The following SNTB2 variants were observed in gnomAD, a reference collection of about 807,000 sequenced individuals.
SNTB2 encodes syntrophin beta 2.
SNTB2 carries 34 observed loss-of-function variants against 46.2 expected under a neutral mutation model. The ratio of observed to expected loss-of-function variants is 0.74; its 90% CI spans 0.56 to 0.98. The LOEUF (loss-of-function observed/expected upper bound fraction) is 0.98, where lower values mean the gene tolerates loss of function less well. Among genes scored for constraint, SNTB2 ranks in the 50% least tolerant of loss-of-function variants. The probability of loss-of-function intolerance (pLI) is 0.00; values close to 1 mark genes in which losing one functional copy is unlikely to be tolerated. For synonymous variants in SNTB2, 290 were observed against 312.6 expected, an observed-to-expected ratio of 0.93 and a Z score of 0.76; for missense variants, 603 against 731.4, an observed-to-expected ratio of 0.82 and a Z score of 2.02.
At chr16:69,287,914 G>A (rs939012226) in intron 5 of SNTB2, among the ~76,000 whole-genome samples, 3 of 151,442 alleles carry the variant, frequency 2.0e-5, no homozygotes, top group East Asian at 1.9e-4. Flanking sequence ...GGTAGTTCAC[G>A]CTTGTAATTC....
chr16:69,195,171 G>GC (rs1356267001), intron 1 of SNTB2, among the ~76,000 whole-genome samples: 1 of 152,156 alleles, frequency 6.6e-6, no homozygotes, highest in African/African-American at 2.4e-5. Context: ...AGTATATAGA[G>GC]CTCAGGGGCA....
At chr16:69,239,701 T>G (rs1327476186) in intron 1 of SNTB2, among the ~76,000 whole-genome samples, 2 of 152,210 alleles carry the variant, frequency 1.3e-5, no homozygotes, top group East Asian at 3.9e-4. Context: ...TGCACCACTA[T>G]GCCTGGCTAA....
chr16:69,279,996 G>A (rs1220706917), intron 4 of SNTB2, among the ~76,000 whole-genome samples: 1 of 152,160 alleles, frequency 6.6e-6, no homozygotes, highest in Non-Finnish European at 1.5e-5. Context: ...TTCCTATGCA[G>A]GGGACCCTGC....
chr16:69,293,724 CAT>C (rs1360438705), intron 5 of SNTB2, among the ~76,000 whole-genome samples: 4 of 152,078 alleles, frequency 2.6e-5, no homozygotes, highest in African/African-American at 9.7e-5. Flanking sequence ...TTCAGAGGGA[CAT>C]GTTGAAAACA....
chr16:69,272,059 G>A (rs1964942499), intron 4 of SNTB2, among the ~76,000 whole-genome samples: 1 of 152,112 alleles, frequency 6.6e-6, no homozygotes, highest in South Asian at 2.1e-4. Flanking sequence ...CTTTGGGTTA[G>A]GCAGAGTCTT....
chr16:69,213,661 G>A (rs1405922456), intron 1 of SNTB2, among the ~76,000 whole-genome samples: 8 of 150,302 alleles, frequency 5.3e-5, no homozygotes, highest in Non-Finnish European at 5.9e-5. Flanking sequence ...CACCACGCCC[G>A]GCTAATTTTT....
intron 1 of SNTB2, among the ~76,000 whole-genome samples, chr16:69,243,591 T>C (rs1399279166): frequency 1.3e-5 from 2 of 152,258 alleles, no homozygotes; most frequent in Non-Finnish European, 2.9e-5. Flanking sequence ...TTTCCTCCAG[T>C]TGGTAGCCCA....
intron 1 of SNTB2, among the ~76,000 whole-genome samples, chr16:69,213,987 A>G (rs1441153445): frequency 2.1e-5 from 3 of 144,328 alleles, no homozygotes; most frequent in African/African-American, 7.8e-5. Flanking sequence ...ATGCCCGGCT[A>G]ATTTTTTTGT....
intron 2 of SNTB2, 83 bp from the exon 3 acceptor site, chr16:69,259,967 G>A (rs2143088694): frequency 1.0e-6 from 1 of 976,936 alleles, no homozygotes; most frequent in East Asian, 2.4e-5. Flanking sequence ...AATTAAAATA[G>A]ATTTGCAGTT....
intron 1 of SNTB2, among the ~76,000 whole-genome samples, chr16:69,236,973 C>G (rs975665424): frequency 6.6e-6 from 1 of 152,062 alleles, no homozygotes; most frequent in African/African-American, 2.4e-5. Context: ...TCCTGGGTGG[C>G]GAGAAAGATG....
chr16:69,199,711 C>T (rs1964141646), intron 1 of SNTB2, among the ~76,000 whole-genome samples: 1 of 151,350 alleles, frequency 6.6e-6, no homozygotes, highest in South Asian at 2.1e-4. Context: ...TATTGTGTAC[C>T]TTGAGGTGTC....
intron 5 of SNTB2, among the ~76,000 whole-genome samples, chr16:69,299,252 C>G (rs1210456729): frequency 6.6e-6 from 1 of 151,836 alleles, no homozygotes; most frequent in African/African-American, 2.4e-5. Context: ...AAGCAATTCT[C>G]CTGCCTCAGC....
At chr16:69,192,757 G>T (rs568149072) in intron 1 of SNTB2, among the ~76,000 whole-genome samples, 3 of 152,082 alleles carry the variant, frequency 2.0e-5, no homozygotes, top group Non-Finnish European at 4.4e-5. Flanking sequence ...AGATTTTAGT[G>T]TAAAAACAAA....
chr16:69,227,893 T>A (rs2152294510), intron 1 of SNTB2, among the ~76,000 whole-genome samples: 1 of 148,944 alleles, frequency 6.7e-6, no homozygotes, highest in East Asian at 2.0e-4. Flanking sequence ...GGTCTCACTC[T>A]GTCACCCAGG....
At position 69,281,085 on chromosome 16, in the gene SNTB2, G is replaced by A. The variant is rs535100182; in HGVS notation, c.1149-2963G>A. ...GCTGGGATTACAGGCATGAGCCACC[G>A]CGCCCGGCCTCATTCTCTTAACAGT... On this transcript the variant is annotated intron_variant, in intron 4 of 6. Coordinates refer to ENST00000336278, the MANE Select transcript of SNTB2 (RefSeq NM_006750.4). Among the ~76,000 whole-genome samples the A allele has an allele frequency of 1.3e-4, 20 of 152,194 alleles. No homozygotes were observed. In the South Asian group the frequency reaches 2.7e-3, roughly 20 times the overall value.
intron 5 of SNTB2, among the ~76,000 whole-genome samples, chr16:69,294,398 C>T (rs1224817812): frequency 1.3e-5 from 2 of 152,070 alleles, no homozygotes; most frequent in Admixed American, 6.6e-5. Flanking sequence ...AGCCATCAGT[C>T]AGTCCCATAC....
intron 1 of SNTB2, among the ~76,000 whole-genome samples, chr16:69,200,733 T>C (rs552007559): frequency 2.6e-5 from 4 of 152,238 alleles, no homozygotes; most frequent in Non-Finnish European, 5.9e-5. Flanking sequence ...CAGGCTGGTC[T>C]TGAACTCCTA....
At chr16:69,226,400 A>C (rs1201483567) in intron 1 of SNTB2, among the ~76,000 whole-genome samples, 2 of 152,126 alleles carry the variant, frequency 1.3e-5, no homozygotes, top group Admixed American at 6.5e-5. Context: ...AAAAAAAAAA[A>C]AACTTTGTTT....
chr16:69,246,493 G>A (rs1187355471), intron 2 of SNTB2, among the ~76,000 whole-genome samples: 2 of 147,994 alleles, frequency 1.4e-5, no homozygotes, highest in Admixed American at 6.8e-5. Flanking sequence ...TTGCATCAAT[G>A]TTCATCAAGG....
Sources: allele counts gnomAD v4.1 joint callset (sites outside exome capture counted in the v4.1 genomes callset), GRCh38; gene constraint gnomAD v4.1.1; transcripts MANE v1.5; gene names NCBI Gene and HGNC (gene_info 2026-07-23, HGNC 2026-07-21).